CDC6: variants seen among roughly 807,000 people sequenced by gnomAD.
The protein encoded by CDC6 is DNA replication factor CDC6.
In CDC6, 46 loss-of-function variants were observed where a neutral mutation model predicts 60.2. That is an observed-to-expected ratio of 0.76 (90% confidence interval 0.60 to 0.98). The LOEUF (loss-of-function observed/expected upper bound fraction) is 0.98, where lower values mean the gene tolerates loss of function less well. Ranked by LOEUF, CDC6 falls within the 50% of genes least tolerant of loss-of-function variation. The pLI is 0.00. For missense variants in CDC6, 596 were observed against 652.9 expected (o/e 0.91, Z 0.95); for synonymous variants, 210 against 233.2 (o/e 0.90, Z 0.90).
Position 40,291,198 on chromosome 17 carries a change from C to G in CDC6, c.319C>G (p.Pro107Ala). The G allele has an allele frequency of 6.2e-7, 1 of 1,614,188 alleles. No homozygotes were observed. Among genetic ancestry groups the G allele is most frequent in the Non-Finnish European group, 8.5e-7 (1 of 1,180,046 alleles). Reference protein sequence around the residue: ...VFDNQLTIKSPSKRELAKVHQ... With the variant: ...VFDNQLTIKSASKRELAKVHQ... ...TGACAATCAGCTGACAATTAAGTCT[C>G]CTAGCAAAAGAGAACTAGCCAAAGT... The change falls in exon 3 of 12, where the codon CCT (proline) becomes GCT (alanine). Residue 107 changes from proline (P) to alanine (A), a missense_variant. By Grantham distance (27) the Pro-to-Ala change is conservative. Coordinates refer to ENST00000209728, the MANE Select transcript of CDC6 (RefSeq NM_001254.4).
chr17:40,294,454 C>G lies in CDC6; in HGVS notation c.1034C>G (p.Pro345Arg). The G allele has an allele frequency of 1.2e-6, 2 of 1,613,860 alleles. No homozygotes were observed. Among genetic ancestry groups the G allele is most frequent in the Non-Finnish European group, 1.7e-6 (2 of 1,179,776 alleles). Residue 345 changes from proline to arginine, a missense_variant, in exon 7 of 12, where the codon CCT (proline) becomes CGT (arginine). By Grantham distance (103) the Pro-to-Arg change is moderately radical (BLOSUM62 -2). Transcript: ENST00000209728. ...KCKPQLLNFP[P>R]YTRNQIVTIL... ...AAGCCACAGCTGTTGAACTTCCCAC[C>G]TTATACCAGAAATCAGATAGTCACT...
intron 8 of CDC6, 117 bp downstream of exon 8, chr17:40,295,573 A>G (rs1699091870): frequency 5.5e-6 from 4 of 729,766 alleles, no homozygotes; most frequent in Non-Finnish European, 9.6e-6. Context: ...CTACTTTTTT[A>G]CGCTCAGAAA....
intron 1 of CDC6, among the ~76,000 whole-genome samples, chr17:40,288,859 TG>T (rs764787864): frequency 6.6e-6 from 1 of 151,642 alleles, no homozygotes; most frequent in Non-Finnish European, 1.5e-5. Context: ...CCACCGCGTT[TG>T]GCCGTAATTT....
Position 40,302,104 on chromosome 17 carries a change from C to CTTTTTTA in CDC6, c.*104_*110dup. On this transcript the variant is annotated 3_prime_UTR_variant, in exon 12 of 12. Transcript: ENST00000209728. The stretch of plus-strand genomic sequence containing the variant: ...ATTCGGGCCTGAAAACAAATATGAC[C>CTTTTTTA]TTTTTTACTTGAAGCCAATGAATTT... The CTTTTTTA allele has an allele frequency of 1.3e-6, 1 of 773,602 alleles. No homozygotes were observed. The highest frequency in any genetic ancestry group is 1.4e-5 in the South Asian group (1 of 70,694). 47.9% of individuals were successfully genotyped at this position (773,602 alleles called of 1,614,324 possible).
At chr17:40,290,047 T>TA (rs1044324413) in intron 2 of CDC6, among the ~76,000 whole-genome samples, 1 of 152,116 alleles carries the variant, frequency 6.6e-6, no homozygotes, top group Non-Finnish European at 1.5e-5. Flanking sequence ...TCATTTTAGT[T>TA]ATTTTCAGAA....
chr17:40,291,133 C>G lies in CDC6; in HGVS notation c.254C>G (p.Pro85Arg). The G allele has an allele frequency of 6.2e-7, 1 of 1,613,944 alleles. No individual in the cohort carries two copies. The highest frequency in any genetic ancestry group is 1.1e-5 in the South Asian group (1 of 91,072). ...AAGCAAGGCAAGAAAGAGAATGGTC[C>G]CCCTCACTCACATACACTTAAGGGA... ...PPKQGKKENGPPHSHTLKGRR... is the reference protein window; with the variant it reads ...PPKQGKKENGRPHSHTLKGRR... Residue 85 changes from proline to arginine, a missense_variant, in exon 3 of 12, where the codon CCC (proline) becomes CGC (arginine). Pro to Arg is a moderately radical substitution (Grantham distance 103, BLOSUM62 -2). Transcript: ENST00000209728.
chr17:40,293,997 A>G lies in CDC6; in HGVS notation c.884A>G (p.Asp295Gly), dbSNP rs958223657. 3.7e-6 allele frequency: 6 copies of G among 1,614,044 alleles called. No individual in the cohort carries two copies. In the East Asian group the frequency reaches 6.7e-5, roughly 18 times the overall value. Residue 295 changes from aspartate (D) to glycine (G), a missense_variant, in exon 6 of 12, where the codon GAT (aspartate) becomes GGT (glycine). By Grantham distance (94) the Asp-to-Gly change is moderately conservative. Transcript: ENST00000209728. ...GATCAACTGGACAGCAAAGGCCAGG[A>G]TGTATTGTACACGCTATTTGAATGG... is the stretch of plus-strand genomic sequence containing the variant. The part of the protein sequence containing the change: ...EMDQLDSKGQ[D>G]VLYTLFEWPW...
chr17:40,294,180 A>G, intron 6 of CDC6, 124 bp downstream of exon 6: 1 of 968,098 alleles, frequency 1.0e-6, no homozygotes. Flanking sequence ...TAAGAAAGTT[A>G]AATGACTATG....
chr17:40,302,174 G>A lies in CDC6; in HGVS notation c.*173G>A. 1 of 621,352 alleles carries A rather than the reference G, an allele frequency of 1.6e-6. No individual in the cohort carries two copies. The highest frequency in any genetic ancestry group is 2.9e-6 in the Non-Finnish European group (1 of 346,706). 38.5% of individuals were successfully genotyped at this position (621,352 alleles called of 1,614,324 possible). A position where few individuals can be genotyped will look rare whatever the true frequency, so the allele number is the denominator to read the frequency against. On this transcript the variant is annotated 3_prime_UTR_variant, in exon 12 of 12. Coordinates refer to ENST00000209728, the MANE Select transcript of CDC6 (RefSeq NM_001254.4). ...TATTAGCACAGAATAATATCTTTGG[G>A]TCTTACTATTTTTACCCATAAAAGT...
intron 4 of CDC6, among the ~76,000 whole-genome samples, chr17:40,292,857 C>T (rs1275461358): frequency 2.0e-5 from 3 of 149,330 alleles, no homozygotes; most frequent in Admixed American, 6.7e-5. Flanking sequence ...CGTGAACCCA[C>T]AGGTGGAGCT....
intron 9 of CDC6, among the ~76,000 whole-genome samples, chr17:40,298,481 A>AT (rs752193111): frequency 4.9e-4 from 74 of 150,418 alleles, no homozygotes; most frequent in Non-Finnish European, 6.5e-4. Context: ...GGCTGGTGCG[A>AT]TCATGGCTCA....
chr17:40,293,936 T>G lies in CDC6; in HGVS notation c.837-14T>G. The stretch of plus-strand genomic sequence containing the variant: ...GAAGGTGAATATGGATACTAACTGT[T>G]TCTCTTTTTATAGTGTGTTGGTATT... On this transcript the variant is annotated splice_polypyrimidine_tract_variant and intron_variant, in intron 5 of 11. Transcript: ENST00000209728. The G allele has an allele frequency of 6.3e-7, 1 of 1,598,678 alleles. No homozygotes were observed. Among genetic ancestry groups the G allele is most frequent in the Non-Finnish European group, 8.6e-7 (1 of 1,165,916 alleles).
At chr17:40,289,701 TTC>T in intron 2 of CDC6, 103 bp downstream of exon 2, 63 of 609,998 alleles carry the variant, frequency 1.0e-4, no homozygotes, top group Middle Eastern at 4.7e-4. Flanking sequence ...CAGTTAAGAC[TTC>T]TTTTTTTTTT....
Position 40,291,188 on chromosome 17 carries a change from A to G in CDC6, c.309A>G (p.Thr103=). ...GRRLVFDNQL[T]IKSPSKRELA... is the part of the protein sequence containing the mutation. ...GATTGGTATTTGACAATCAGCTGAC[A>G]ATTAAGTCTCCTAGCAAAAGAGAAC... The change falls in exon 3 of 12, where the codon ACA becomes ACG. Residue 103 remains threonine (T), a synonymous_variant. Transcript: ENST00000209728. 1.2e-6 allele frequency: 2 copies of G among 1,614,246 alleles called. No individual in the cohort carries two copies. Among genetic ancestry groups the G allele is most frequent in the Non-Finnish European group, 1.7e-6 (2 of 1,180,046 alleles).
chr17:40,299,188 A>G (rs1372299049), intron 9 of CDC6, among the ~76,000 whole-genome samples: 3 of 113,482 alleles, frequency 2.6e-5, no homozygotes, highest in African/African-American at 7.1e-5. Flanking sequence ...TCGCTCTGTC[A>G]CCAGGCTGGA....
Position 40,303,731 on chromosome 17 carries a change from T to G in CDC6, c.*1730T>G, listed in dbSNP as rs2032967472. On this transcript the variant is annotated 3_prime_UTR_variant, in exon 12 of 12. Coordinates refer to ENST00000209728, the MANE Select transcript of CDC6 (RefSeq NM_001254.4). ...GTGTCTGGGACTATAAGGGTTAACA[T>G]GCATAATTGCAAAGATTGTCCGAAG... 6.6e-6 allele frequency: 1 copy of G among 152,256 alleles called. No individual in the cohort carries two copies. Among genetic ancestry groups the G allele is most frequent in the African/African-American group, 2.4e-5 (1 of 41,474 alleles). The allele number at this position is 152,256 out of a possible 1,614,324, so 9.4% of individuals were successfully genotyped here.
intron 3 of CDC6, 64 bp from the exon 4 acceptor site, chr17:40,291,405 C>A: frequency 6.2e-7 from 1 of 1,609,854 alleles, no homozygotes; most frequent in South Asian, 1.1e-5. Flanking sequence ...CCAAATGAAA[C>A]CACCCACTGG....
At chr17:40,297,558 G>A (rs184351077) in intron 9 of CDC6, among the ~76,000 whole-genome samples, 138 of 152,204 alleles carry the variant, frequency 9.1e-4, no homozygotes, top group Admixed American at 3.0e-3. Flanking sequence ...AGCCACCATG[G>A]CACATGTATA....
In CDC6 at chr17:40,294,347, GT is replaced by G. The variant is rs780041544; in HGVS notation, c.944-15del. On this transcript the variant is annotated splice_polypyrimidine_tract_variant and intron_variant, in intron 6 of 11. Coordinates refer to ENST00000209728, the MANE Select transcript of CDC6 (RefSeq NM_001254.4). The stretch of plus-strand genomic sequence containing the variant: ...GATAATTTGACCAATGATCAATGTT[GT>G]TGATCTCCTCCTTAGGTATTGCTAA... 6.4e-7 allele frequency: 1 copy of G among 1,572,560 alleles called. No homozygotes were observed. Among genetic ancestry groups the G allele is most frequent in the South Asian group, 1.1e-5 (1 of 90,234 alleles).
Sources: gnomAD v4.1 joint callset for allele counts (sites outside exome capture counted in the v4.1 genomes callset) on GRCh38, gnomAD v4.1.1 for gene constraint, MANE v1.5 for transcripts, NCBI Gene and HGNC (gene_info 2026-07-23, HGNC 2026-07-21) for gene names.